The following EXOC4 variants were observed in gnomAD, a reference collection of about 807,000 sequenced individuals.
EXOC4 encodes the protein exocyst complex component 4.
Under a neutral mutation model 107.2 loss-of-function variants are expected in EXOC4, and 71 were observed. The observed-to-expected ratio is 0.66, with a 90% CI of 0.55 to 0.81. The LOEUF is 0.81. Among genes scored for constraint, EXOC4 ranks in the 30% least tolerant of loss-of-function variants. The probability of loss-of-function intolerance (pLI) is 0.00; values close to 1 mark genes in which losing one functional copy is unlikely to be tolerated. For synonymous variants in EXOC4, 456 were observed against 441.2 expected, an observed-to-expected ratio of 1.03 and a Z score of -0.42; for missense variants, 1,108 against 1,189.6, an observed-to-expected ratio of 0.93 and a Z score of 1.01.
chr7:133,784,546 G>A (rs569768690), intron 10 of EXOC4, among the ~76,000 whole-genome samples: 5 of 152,304 alleles, frequency 3.3e-5, no homozygotes, highest in African/African-American at 1.2e-4. Context: ...CCATCAGGGA[G>A]CTGACAGTCC....
intron 15 of EXOC4, among the ~76,000 whole-genome samples, chr7:134,003,492 G>A (rs928303942): frequency 2.0e-5 from 3 of 152,168 alleles, no homozygotes; most frequent in South Asian, 4.1e-4. Flanking sequence ...CAGGCAAAGC[G>A]TGGTCGCATC....
intron 6 of EXOC4, among the ~76,000 whole-genome samples, chr7:133,369,214 A>G (rs1055181071): frequency 6.6e-6 from 1 of 152,182 alleles, no homozygotes; most frequent in Non-Finnish European, 1.5e-5. Context: ...GCTAGTGCAG[A>G]TTTACATCCT....
At chr7:134,076,915 A>G in the EXOC4 span, among the ~76,000 whole-genome samples, 1,200 of 152,230 alleles carry the variant, frequency 7.9e-3, 16 homozygotes, top group African/African-American at 0.023. Context: ...AACACTCCAT[A>G]ACTTACATCC....
intron 14 of EXOC4, among the ~76,000 whole-genome samples, chr7:133,995,008 G>A (rs569638825): frequency 1.1e-4 from 17 of 152,246 alleles, no homozygotes; most frequent in Non-Finnish European, 2.2e-4. Context: ...CTTTCTAGTA[G>A]AGCTCTGGGC....
the EXOC4 span, among the ~76,000 whole-genome samples, chr7:134,095,461 A>G: frequency 1.3e-5 from 2 of 152,174 alleles, no homozygotes; most frequent in African/African-American, 4.8e-5. Flanking sequence ...ACAGAATTAG[A>G]AAAAACTATT....
chr7:133,629,832 C>G (rs1015137844), intron 9 of EXOC4, among the ~76,000 whole-genome samples: 3 of 152,112 alleles, frequency 2.0e-5, no homozygotes, highest in African/African-American at 7.2e-5. Flanking sequence ...TGTGAGCCAC[C>G]GTGCCCGGCT....
chr7:133,792,046 G>T (rs969568231), intron 10 of EXOC4, among the ~76,000 whole-genome samples: 10 of 152,088 alleles, frequency 6.6e-5, no homozygotes, highest in Non-Finnish European at 1.2e-4. Context: ...AGAATCTGAT[G>T]ACAGCTGTGG....
intron 10 of EXOC4, among the ~76,000 whole-genome samples, chr7:133,650,937 G>GTTTTTTTTTTTTTTTTTTTTTTTT (rs200499348): frequency 2.3e-5 from 2 of 88,694 alleles, no homozygotes; most frequent in Non-Finnish European, 4.5e-5. Context: ...AGATTGGTCA[G>GTTTTTTTTTTTTTTTTTTTTTTTT]TTTTTTTTTT....
intron 11 of EXOC4, among the ~76,000 whole-genome samples, chr7:133,832,803 G>A (rs920909871): frequency 7.2e-5 from 11 of 152,114 alleles, no homozygotes; most frequent in African/African-American, 2.4e-4. Context: ...TTTCAAATCA[G>A]TTGGTTTTTT....
At chr7:133,753,582 C>T (rs1384542383) in intron 10 of EXOC4, among the ~76,000 whole-genome samples, 1 of 152,078 alleles carries the variant, frequency 6.6e-6, no homozygotes, top group Non-Finnish European at 1.5e-5. Context: ...CAGAAGAGCT[C>T]GATGAATGTT....
chr7:133,507,936 C>T (rs578174205), intron 9 of EXOC4, among the ~76,000 whole-genome samples: 5 of 152,144 alleles, frequency 3.3e-5, no homozygotes, highest in Admixed American at 1.3e-4. Flanking sequence ...TAGTGCATGC[C>T]TGTAATCCAG....
At chr7:133,832,179 T>G (rs2151238483) in intron 11 of EXOC4, among the ~76,000 whole-genome samples, 1 of 152,216 alleles carries the variant, frequency 6.6e-6, no homozygotes, top group East Asian at 1.9e-4. Flanking sequence ...ACTATACTCA[T>G]TTCTAGTGTT....
chr7:133,702,018 T>TTTA (rs1794670264), intron 10 of EXOC4, among the ~76,000 whole-genome samples: 1 of 95,822 alleles, frequency 1.0e-5, no homozygotes, highest in African/African-American at 3.6e-5. Context: ...TTTTTTTTTT[T>TTTA]GAGACAGTAT....
At chr7:133,889,574 C>A (rs1413518555) in intron 11 of EXOC4, among the ~76,000 whole-genome samples, 4 of 111,240 alleles carry the variant, frequency 3.6e-5, no homozygotes, top group South Asian at 7.6e-4. Flanking sequence ...CCTCCCCCCT[C>A]CCCCCTCCCC....
At chr7:134,006,204 A>G (rs1054448141) in intron 16 of EXOC4, among the ~76,000 whole-genome samples, 6 of 151,402 alleles carry the variant, frequency 4.0e-5, no homozygotes, top group Non-Finnish European at 7.4e-5. Flanking sequence ...TAATATATTT[A>G]TTATAATATA....
rs184666864 is a variant in EXOC4 at position 133,719,316 on chromosome 7, C to T, written c.1514+89175C>T. ...AAGCCTCTTTTGTAAATTGCCCAGTCTTGGTTATGTCTTTATTAGCAGCAT... is the reference window on the plus strand; with the variant it reads ...AAGCCTCTTTTGTAAATTGCCCAGTTTTGGTTATGTCTTTATTAGCAGCAT... On this transcript the variant is annotated intron_variant, in intron 10 of 17. Coordinates refer to ENST00000253861, the MANE Select transcript of EXOC4 (RefSeq NM_021807.4). Among the ~76,000 whole-genome samples the T allele has an allele frequency of 2.3e-3, 345 of 152,184 alleles. 1 individual carries two copies. Among genetic ancestry groups the T allele is most frequent in the Admixed American group, 4.9e-3 (75 of 15,262 alleles).
At chr7:134,067,359 A>C (rs1306471562), downstream of EXOC4, among the ~76,000 whole-genome samples, 1 of 152,064 alleles carries the variant, frequency 6.6e-6, no homozygotes, top group Non-Finnish European at 1.5e-5. Context: ...ATGACCATGA[A>C]GAAGGAAGGC....
chr7:133,714,057 G>GTCA (rs1794950059), intron 10 of EXOC4, among the ~76,000 whole-genome samples: 1 of 152,066 alleles, frequency 6.6e-6, no homozygotes, highest in Non-Finnish European at 1.5e-5. Context: ...CCTTGGATGT[G>GTCA]GGCACAACCA....
chr7:133,782,886 G>A (rs1796496814), intron 10 of EXOC4, among the ~76,000 whole-genome samples: 1 of 152,134 alleles, frequency 6.6e-6, no homozygotes, highest in Non-Finnish European at 1.5e-5. Context: ...ACCCACTGGT[G>A]GATTCTGTAT....
Sources: allele counts gnomAD v4.1 joint callset (sites outside exome capture counted in the v4.1 genomes callset), GRCh38; gene constraint gnomAD v4.1.1; transcripts MANE v1.5; gene names NCBI Gene and HGNC (gene_info 2026-07-23, HGNC 2026-07-21).